Variants in KCNA2 observed in about 807,000 individuals in gnomAD.
KCNA2 encodes the protein potassium voltage-gated channel subfamily A member 2.
KCNA2 carries 11 observed loss-of-function variants against 33.4 expected under a neutral mutation model. The ratio of observed to expected loss-of-function variants is 0.33; its 90% CI spans 0.21 to 0.55. The LOEUF is 0.55. Ranked by LOEUF, KCNA2 falls within the 20% of genes least tolerant of loss-of-function variation. The pLI, the probability that KCNA2 is intolerant of heterozygous loss-of-function variation, is 0.93. For missense variants in KCNA2, 291 were observed against 621.6 expected, an observed-to-expected ratio of 0.47 and a Z score of 5.66; for synonymous variants, 222 against 231.3, an observed-to-expected ratio of 0.96 and a Z score of 0.37.
chr1:110,627,879 G>T (rs1476828259), intron 1 of KCNA2, among the ~76,000 whole-genome samples: 1 of 151,934 alleles, frequency 6.6e-6, no homozygotes, highest in Non-Finnish European at 1.5e-5. Flanking sequence ...ACAAAGTGAA[G>T]AGGGAGAAAC....
Position 110,596,341 on chromosome 1 carries a change from A to G in KCNA2, c.*6942T>C. 4 of 379,290 alleles carry G rather than the reference A, an allele frequency of 1.1e-5. No homozygotes were observed. Among genetic ancestry groups the G allele is most frequent in the Non-Finnish European group, 1.4e-5 (4 of 277,228 alleles). 23.5% of individuals were successfully genotyped at this position (379,290 alleles called of 1,614,324 possible). A position where few individuals can be genotyped will look rare whatever the true frequency, so the allele number is the denominator to read the frequency against. ...GTATACATATATACATATACTATAT[A>G]TATATATATACACACATAAATATAT... On this transcript the variant is annotated 3_prime_UTR_variant, in exon 3 of 3. Coordinates refer to ENST00000316361, the MANE Select transcript of KCNA2 (RefSeq NM_004974.4).
intron 1 of KCNA2, among the ~76,000 whole-genome samples, chr1:110,616,933 G>C (rs1226445113): frequency 2.6e-5 from 4 of 152,242 alleles, no homozygotes; most frequent in African/African-American, 9.6e-5. Flanking sequence ...GGCTTAAATT[G>C]AAGAATAAAG....
intron 1 of KCNA2, among the ~76,000 whole-genome samples, chr1:110,618,781 G>A (rs999695285): frequency 6.6e-6 from 1 of 151,700 alleles, no homozygotes; most frequent in Admixed American, 6.6e-5. Flanking sequence ...CAAACCCCGG[G>A]ACACAGCCTT....
intron 1 of KCNA2, among the ~76,000 whole-genome samples, chr1:110,615,021 G>A: frequency 6.6e-6 from 1 of 152,210 alleles, no homozygotes; most frequent in Non-Finnish European, 1.5e-5. Flanking sequence ...GCATCTTAAT[G>A]ATGTTCTCTG....
Position 110,602,309 on chromosome 1 carries a change from G to A in KCNA2, c.*974C>T, listed in dbSNP as rs1649396723. The A allele has an allele frequency of 1.4e-6, 2 of 1,459,522 alleles. No homozygotes were observed. Among genetic ancestry groups the A allele is most frequent in the Non-Finnish European group, 1.8e-6 (2 of 1,112,122 alleles). The allele number at this position is 1,459,522 out of a possible 1,614,324, so 90.4% of individuals were successfully genotyped here. A position where few individuals can be genotyped will look rare whatever the true frequency, so the allele number is the denominator to read the frequency against. ...AACCCCTAGTTCAAGACCATTCCAA[G>A]CCTATTAATACTCTAAATATTAACA... is the stretch of plus-strand genomic sequence containing the variant. On this transcript the variant is annotated 3_prime_UTR_variant, in exon 3 of 3. Transcript: ENST00000316361.
Position 110,597,174 on chromosome 1 carries a change from C to T in KCNA2, c.*6109G>A. ...AGTCAGAGGGCAATTCCCAAATCTGCCCAGGCTACTGATCCCAAGTGCAAA... is the reference window on the plus strand; with the variant it reads ...AGTCAGAGGGCAATTCCCAAATCTGTCCAGGCTACTGATCCCAAGTGCAAA... On this transcript the variant is annotated 3_prime_UTR_variant, in exon 3 of 3. Coordinates refer to ENST00000316361, the MANE Select transcript of KCNA2 (RefSeq NM_004974.4). The T allele has an allele frequency of 2.0e-6, 2 of 985,436 alleles. No individual in the cohort carries two copies. The highest frequency in any genetic ancestry group is 6.1e-5 in the Admixed American group (1 of 16,284). The allele number at this position is 985,436 out of a possible 1,614,324, so 61.0% of individuals were successfully genotyped here.
At position 110,603,942 on chromosome 1, in the gene KCNA2, C is replaced by A. The variant is rs753926939; in HGVS notation, c.841G>T (p.Ala281Ser). The change falls in exon 3 of 3, where the codon GCT becomes TCT. Residue 281 changes from alanine (A) to serine (S), a missense_variant. Ala to Ser is a moderately conservative substitution (Grantham distance 99, BLOSUM62 1). Coordinates refer to ENST00000316361, the MANE Select transcript of KCNA2 (RefSeq NM_004974.4). This position sits in a 1 kb window ranked among gnomAD's most constrained non-coding sequence, Gnocchi z 5.7. ...GACATGGCCTGCTGGCCTTGCTGAG[C>A]GTCCTCTGGCTTCTCAGCCAACTCT... is the stretch of plus-strand genomic sequence containing the variant. Reference protein sequence around the residue: ...GTELAEKPEDAQQGQQAMSLA... With the variant: ...GTELAEKPEDSQQGQQAMSLA... The A allele has an allele frequency of 6.2e-7, 1 of 1,614,130 alleles. No individual in the cohort carries two copies. The highest frequency in any genetic ancestry group is 8.5e-7 in the Non-Finnish European group (1 of 1,180,024).
Position 110,624,877 on chromosome 1 carries a change from A to G in KCNA2, c.-496+6518T>C, listed in dbSNP as rs150103583. Among the ~76,000 whole-genome samples, 317 of 152,308 alleles carry G rather than the reference A, an allele frequency of 2.1e-3. 3 individuals carry two copies. Among genetic ancestry groups the G allele is most frequent in the African/African-American group, 7.3e-3 (302 of 41,568 alleles). On this transcript the variant is annotated intron_variant, in intron 1 of 4. Transcript: ENST00000369770. ...TTGGAGATGGAGGTTGATATCGGTG[A>G]AAAGTCTGATTGGAAAGGCATTCTT...
chr1:110,599,322 C>G lies in KCNA2; in HGVS notation c.*3961G>C. 1 of 984,210 alleles carries G rather than the reference C, an allele frequency of 1.0e-6. No homozygotes were observed. 61.0% of individuals were successfully genotyped at this position (984,210 alleles called of 1,614,324 possible). On this transcript the variant is annotated 3_prime_UTR_variant, in exon 3 of 3. Coordinates refer to ENST00000316361, the MANE Select transcript of KCNA2 (RefSeq NM_004974.4). The stretch of plus-strand genomic sequence containing the variant: ...AATCTTAGAAAGTATTTAAATATGG[C>G]CTTAGAATATAGGATAAAGTCAGGC...
Position 110,597,618 on chromosome 1 carries a change from A to T in KCNA2, c.*5665T>A. ...TGTGTCCATTCCAGAAGGAGGTCAG[A>T]TCTCAAGAGGACAGGAGTCATGTGA... On this transcript the variant is annotated 3_prime_UTR_variant, in exon 3 of 3. Coordinates refer to ENST00000316361, the MANE Select transcript of KCNA2 (RefSeq NM_004974.4). 3 of 985,458 alleles carry T rather than the reference A, an allele frequency of 3.0e-6. No individual in the cohort carries two copies. The South Asian group carries it at 1.4e-4, about 46-fold the overall frequency. The allele number at this position is 985,458 out of a possible 1,614,324, so 61.0% of individuals were successfully genotyped here. A position where few individuals can be genotyped will look rare whatever the true frequency, so the allele number is the denominator to read the frequency against.
Position 110,601,790 on chromosome 1 carries a change from A to ATGTGTGTGTGTGTG in KCNA2, c.*1492_*1493insCACACACACACACA, listed in dbSNP as rs1450678948. 2.9e-5 allele frequency: 34 copies of ATGTGTGTGTGTGTG among 1,163,674 alleles called. No individual in the cohort carries two copies. In the African/African-American group the frequency reaches 6.2e-4, roughly 21 times the overall value. The allele number at this position is 1,163,674 out of a possible 1,614,324, so 72.1% of individuals were successfully genotyped here. A position where few individuals can be genotyped will look rare whatever the true frequency, so the allele number is the denominator to read the frequency against. ...CTCCAGAAAATGAATATATATATAT[A>ATGTGTGTGTGTGTG]TATATGTGTGTGTGTGTGTGTGTGT... On this transcript the variant is annotated 3_prime_UTR_variant, in exon 3 of 3. Transcript: ENST00000316361.
chr1:110,611,564 A>T (rs996248328), intron 1 of KCNA2, among the ~76,000 whole-genome samples: 2 of 150,952 alleles, frequency 1.3e-5, no homozygotes, highest in African/African-American at 2.4e-5. Context: ...CACCTCTAAA[A>T]TTTTTTTTTT....
Position 110,602,648 on chromosome 1 carries a change from T to A in KCNA2, c.*635A>T. ...CATATTCGGTCATACTAACTGTCCC[T>A]CCCCCGGGCTTCCCTCACATCGACA... On this transcript the variant is annotated 3_prime_UTR_variant, in exon 3 of 3. Transcript: ENST00000316361. 1 of 993,296 alleles carries A rather than the reference T, an allele frequency of 1.0e-6. No individual in the cohort carries two copies. The highest frequency in any genetic ancestry group is 1.2e-6 in the Non-Finnish European group (1 of 835,246). 61.5% of individuals were successfully genotyped at this position (993,296 alleles called of 1,614,324 possible).
At chr1:110,625,735 A>G (rs1650372187) in intron 1 of KCNA2, among the ~76,000 whole-genome samples, 1 of 152,226 alleles carries the variant, frequency 6.6e-6, no homozygotes, top group African/African-American at 2.4e-5. Flanking sequence ...AAGAGCTGAA[A>G]GAAGTCAATA....
At chr1:110,619,194 A>G (rs750844431) in intron 1 of KCNA2, among the ~76,000 whole-genome samples, 1 of 152,048 alleles carries the variant, frequency 6.6e-6, no homozygotes, top group Non-Finnish European at 1.5e-5. Flanking sequence ...TCCCTGGGAG[A>G]CTGTACCCCC....
At chr1:110,609,650 G>A (rs958827261), upstream of KCNA2, among the ~76,000 whole-genome samples, 155 of 152,170 alleles carry the variant, frequency 1.0e-3, no homozygotes, top group Non-Finnish European at 1.6e-4. Context: ...TGGCCTCAGG[G>A]GTATGTTGTC....
At position 110,594,926 on chromosome 1, in the gene KCNA2, A is replaced by G; in HGVS notation, c.*8357T>C. 1.0e-6 allele frequency: 1 copy of G among 985,472 alleles called. No homozygotes were observed. Among genetic ancestry groups the G allele is most frequent in the Non-Finnish European group, 1.2e-6 (1 of 829,950 alleles). The allele number at this position is 985,472 out of a possible 1,614,324, so 61.0% of individuals were successfully genotyped here. ...GCAGCTGACATGGAAATTGTTTGGTAGCAAAGTGCGCCCCTGAATATTCTC... is the reference window on the plus strand; with the variant it reads ...GCAGCTGACATGGAAATTGTTTGGTGGCAAAGTGCGCCCCTGAATATTCTC... On this transcript the variant is annotated 3_prime_UTR_variant, in exon 3 of 3. Coordinates refer to ENST00000316361, the MANE Select transcript of KCNA2 (RefSeq NM_004974.4).
chr1:110,594,327 GTGTA>G lies in KCNA2; in HGVS notation c.*8952_*8955del, dbSNP rs1649003832. On this transcript the variant is annotated 3_prime_UTR_variant, in exon 3 of 3. Coordinates refer to ENST00000316361, the MANE Select transcript of KCNA2 (RefSeq NM_004974.4). ...TATATACATATATATATATATGTGT[GTGTA>G]TATATATATACACACACATCACACA... is the stretch of plus-strand genomic sequence containing the variant. 3.3e-6 allele frequency: 3 copies of G among 922,088 alleles called. No homozygotes were observed. The highest frequency in any genetic ancestry group is 2.6e-6 in the Non-Finnish European group (2 of 781,304). 57.1% of individuals were successfully genotyped at this position (922,088 alleles called of 1,614,324 possible).
chr1:110,610,530 T>C (rs186905031), upstream of KCNA2, among the ~76,000 whole-genome samples: 112 of 152,346 alleles, frequency 7.4e-4, no homozygotes, highest in South Asian at 1.4e-3. Context: ...AAGATATCAT[T>C]GTCTCTGTTT....
Sources: gnomAD v4.1 joint callset for allele counts (sites outside exome capture counted in the v4.1 genomes callset) on GRCh38, gnomAD v4.1.1 for gene constraint, Gnocchi (gnomAD v3.1) non-coding constraint, MANE v1.5 for transcripts, NCBI Gene and HGNC (gene_info 2026-07-23, HGNC 2026-07-21) for gene names.